MEGF6: variants seen among roughly 807,000 people sequenced by gnomAD.
MEGF6 encodes multiple epidermal growth factor-like domains protein 6.
Under a neutral mutation model 207.1 loss-of-function variants are expected in MEGF6, and 184 were observed. That is an observed-to-expected ratio of 0.89 (90% CI 0.79 to 1.00). MEGF6 has a LOEUF of 1.00. MEGF6 is among the 50% of genes least tolerant of loss of function. The pLI, the probability that MEGF6 is intolerant of heterozygous loss-of-function variation, is 0.00. For missense variants in MEGF6, 2,282 were observed against 2,202.9 expected (o/e 1.04, Z -0.72); for synonymous variants, 1,038 against 910.0 (o/e 1.14, Z -2.53).
In MEGF6 at chr1:3,490,950, AG is replaced by A. The variant is rs1640332537; in HGVS notation, c.4525del (p.Leu1509SerfsTer9). 2 of 1,601,692 alleles carry A rather than the reference AG, an allele frequency of 1.2e-6. No homozygotes were observed. The highest frequency in any genetic ancestry group is 8.5e-7 in the Non-Finnish European group (1 of 1,176,320). On this transcript the variant is annotated frameshift_variant, in exon 36 of 37. Coordinates refer to ENST00000356575, the MANE Select transcript of MEGF6 (RefSeq NM_001409.4). LOFTEE classifies it low-confidence loss of function (END_TRUNC). ...TAAGGACGGGTTCTCGGGGAGCCGGAGGGGCCCACCTGGAGGGGAGAGAGAG... is the reference window on the plus strand; with the variant it reads ...TAAGGACGGGTTCTCGGGGAGCCGGAGGGCCCACCTGGAGGGGAGAGAGAG... ...MGPTCREGGP[L>X]RLPENPSLAQ...
At chr1:3,531,024 C>T (rs980442332) in intron 4 of MEGF6, 268 of 1,431,392 alleles carry the variant, frequency 1.9e-4, no homozygotes, top group Non-Finnish European at 2.0e-4. Context: ...ACAAAGGGAG[C>T]GCGCCGGGGA....
Position 3,512,029 on chromosome 1 carries a change from C to CCGG in MEGF6, c.952_953insCCG (p.Leu317_Gly318insAla). 6.2e-7 allele frequency: 1 copy of CCGG among 1,612,618 alleles called. No individual in the cohort carries two copies. On this transcript the variant is annotated inframe_insertion, in exon 8 of 37. Coordinates refer to ENST00000356575, the MANE Select transcript of MEGF6 (RefSeq NM_001409.4). ...ACGGTAGCACTGCCGGCCATCGGCG[C>CCGG]CCAGCTCATAGCCCGCGTGACACAC...
intron 4 of MEGF6, among the ~76,000 whole-genome samples, chr1:3,531,711 G>T (rs1182014132): frequency 1.3e-5 from 2 of 152,102 alleles, no homozygotes; most frequent in African/African-American, 4.8e-5. Flanking sequence ...AGACACGCAC[G>T]GACATACGCA....
chr1:3,609,889 A>G (rs1644302262), intron 1 of MEGF6, among the ~76,000 whole-genome samples: 1 of 152,194 alleles, frequency 6.6e-6, no homozygotes, highest in African/African-American at 2.4e-5. Flanking sequence ...ACAGCGGGAC[A>G]TCCACCTCCG....
At chr1:3,541,284 G>A (rs910292718) in intron 4 of MEGF6, among the ~76,000 whole-genome samples, 3 of 152,178 alleles carry the variant, frequency 2.0e-5, no homozygotes, top group East Asian at 1.9e-4. Flanking sequence ...CAGGGCTTGC[G>A]GAGGCTTTCG....
At chr1:3,535,125 G>T (rs1642286801) in intron 4 of MEGF6, among the ~76,000 whole-genome samples, 1 of 152,136 alleles carries the variant, frequency 6.6e-6, no homozygotes, top group South Asian at 2.1e-4. Context: ...CAGCTCAGGG[G>T]CCCTGAAGCA....
At chr1:3,501,350 T>A (rs1453379000) in intron 18 of MEGF6, 42 bp from the exon 19 acceptor site, 1 of 1,562,136 alleles carries the variant, frequency 6.4e-7, no homozygotes, top group Admixed American at 1.8e-5. Flanking sequence ...CAAGCTGCCC[T>A]TGCTCAACAC....
chr1:3,622,089 G>C, the MEGF6 span, among the ~76,000 whole-genome samples: 9 of 152,218 alleles, frequency 5.9e-5, no homozygotes, highest in Non-Finnish European at 7.3e-5. Flanking sequence ...TTGGGGGACT[G>C]TTGGGAGGGC....
At chr1:3,543,388 C>A (rs1011787246) in intron 4 of MEGF6, among the ~76,000 whole-genome samples, 7 of 152,246 alleles carry the variant, frequency 4.6e-5, no homozygotes, top group Non-Finnish European at 1.0e-4. Flanking sequence ...CGGCTGCCGG[C>A]ACCCCCTGAG....
intron 4 of MEGF6, among the ~76,000 whole-genome samples, chr1:3,572,740 C>T (rs1489452541): frequency 6.8e-6 from 1 of 146,784 alleles, no homozygotes; most frequent in African/African-American, 2.5e-5. Context: ...CTCAGGTGTG[C>T]TGGGTCCTTC....
At chr1:3,548,853 G>T (rs1642798486) in intron 4 of MEGF6, among the ~76,000 whole-genome samples, 1 of 152,178 alleles carries the variant, frequency 6.6e-6, no homozygotes, top group African/African-American at 2.4e-5. Flanking sequence ...GGAGCCCACT[G>T]CAGCTGGGGG....
At chr1:3,590,240 C>A (rs1450462634) in intron 3 of MEGF6, among the ~76,000 whole-genome samples, 1 of 152,182 alleles carries the variant, frequency 6.6e-6, no homozygotes, top group Non-Finnish European at 1.5e-5. Flanking sequence ...TGCCACTCTG[C>A]CCACCGGGGA....
intron 3 of MEGF6, among the ~76,000 whole-genome samples, chr1:3,590,556 C>T (rs371438195): frequency 2.9e-4 from 44 of 152,338 alleles, no homozygotes; most frequent in Middle Eastern, 6.8e-3. Flanking sequence ...TAGCAGCTTC[C>T]GGCCAGTCTC....
intron 2 of MEGF6, among the ~76,000 whole-genome samples, chr1:3,598,678 G>A (rs1570234071): frequency 6.6e-6 from 1 of 151,556 alleles, no homozygotes; most frequent in African/African-American, 2.4e-5. Context: ...ACGCTGGGGA[G>A]CTGGTTCACG....
chr1:3,603,729 G>A (rs538527509), intron 1 of MEGF6, among the ~76,000 whole-genome samples: 6 of 152,120 alleles, frequency 3.9e-5, no homozygotes, highest in East Asian at 1.9e-4. Flanking sequence ...GCTCGGTACC[G>A]CCCTCCGCCC....
At chr1:3,506,442 A>G (rs1641122556) in intron 14 of MEGF6, among the ~76,000 whole-genome samples, 1 of 152,142 alleles carries the variant, frequency 6.6e-6, no homozygotes, top group Non-Finnish European at 1.5e-5. Context: ...GGTTTGTGGC[A>G]AGGGCGGGTG....
chr1:3,561,003 T>C (rs923056976), intron 4 of MEGF6, among the ~76,000 whole-genome samples: 1 of 152,130 alleles, frequency 6.6e-6, no homozygotes, highest in Non-Finnish European at 1.5e-5. Flanking sequence ...GAGCCAGGCA[T>C]ACAGGAGTCT....
chr1:3,621,617 C>T, the MEGF6 span, among the ~76,000 whole-genome samples: 1 of 152,224 alleles, frequency 6.6e-6, no homozygotes, highest in Non-Finnish European at 1.5e-5. Context: ...TCTCTTGCCT[C>T]AGCACCGGGG....
At chr1:3,599,011 T>TGGGCC (rs1366287183) in intron 2 of MEGF6, among the ~76,000 whole-genome samples, 1 of 152,118 alleles carries the variant, frequency 6.6e-6, no homozygotes, top group Non-Finnish European at 1.5e-5. Context: ...TCACCTACTC[T>TGGGCC]GGGCCGGGCC....
Sources: allele counts gnomAD v4.1 joint callset (sites outside exome capture counted in the v4.1 genomes callset), GRCh38; gene constraint gnomAD v4.1.1; transcripts MANE v1.5; gene names NCBI Gene and HGNC (gene_info 2026-07-23, HGNC 2026-07-21).